Variants in EIF4A2 observed in about 807,000 individuals in gnomAD.
EIF4A2 encodes the protein eukaryotic initiation factor 4A-II.
Under a neutral mutation model 50.6 loss-of-function variants are expected in EIF4A2, and 9 were observed. The observed-to-expected ratio is 0.18, with a 90% CI of 0.11 to 0.31. EIF4A2 has a LOEUF of 0.31. EIF4A2 is among the 10% of genes least tolerant of loss of function. The pLI, the probability that EIF4A2 is intolerant of heterozygous loss-of-function variation, is 1.00. For synonymous variants in EIF4A2, 215 were observed against 164.4 expected, an observed-to-expected ratio of 1.31 and a Z score of -2.35; for missense variants, 182 against 501.8, an observed-to-expected ratio of 0.36 and a Z score of 6.09.
intron 10 of EIF4A2, chr3:186,788,507 T>C (rs774423955): frequency 9.2e-7 from 1 of 1,084,158 alleles, no homozygotes; most frequent in Non-Finnish European, 1.2e-6. Flanking sequence ...GTATTTCTAT[T>C]AGGGAACCTT....
At chr3:186,787,296 A>T (rs778546320) in intron 8 of EIF4A2, 32 bp downstream of exon 8, 1 of 1,614,044 alleles carries the variant, frequency 6.2e-7, no homozygotes. Context: ...CTGGATTTCC[A>T]CTAAAGCAGG....
Position 186,789,318 on chromosome 3 carries a change from C to T in EIF4A2, c.*49C>T, listed in dbSNP as rs564710155. 1.9e-5 allele frequency: 29 copies of T among 1,566,050 alleles called. No individual in the cohort carries two copies. The highest frequency in any genetic ancestry group is 7.4e-5 in the Admixed American group (4 of 53,874). ...GCAGTGCTCGCTGTTGCTGAATAGGCGATCACAACGTGCATTGTGCTTCTT... is the reference window on the plus strand; with the variant it reads ...GCAGTGCTCGCTGTTGCTGAATAGGTGATCACAACGTGCATTGTGCTTCTT... On this transcript the variant is annotated 3_prime_UTR_variant, in exon 11 of 11. Coordinates refer to ENST00000323963, the MANE Select transcript of EIF4A2 (RefSeq NM_001967.4).
intron 1 of EIF4A2, chr3:186,784,023 T>TGG (rs1315400326): frequency 1.2e-5 from 5 of 404,670 alleles, no homozygotes; most frequent in African/African-American, 6.1e-5. Context: ...AGGCTTTACT[T>TGG]GGGGAAGGGT....
intron 8 of EIF4A2, 23 bp downstream of exon 8, chr3:186,787,287 T>G: frequency 6.2e-7 from 1 of 1,614,100 alleles, no homozygotes; most frequent in South Asian, 1.1e-5. Context: ...CTAAAATGTC[T>G]GGATTTCCAC....
chr3:186,784,105 C>T (rs373954697), intron 1 of EIF4A2: 2 of 482,268 alleles, frequency 4.1e-6, no homozygotes, highest in Non-Finnish European at 7.5e-6. Context: ...GAACCGTTGG[C>T]ATCGCCCTCG....
chr3:186,786,692 C>G (rs1171124595), intron 7 of EIF4A2, 47 bp downstream of exon 7: 1 of 1,610,726 alleles, frequency 6.2e-7, no homozygotes, highest in Non-Finnish European at 8.5e-7. Flanking sequence ...TGTATAAGCA[C>G]TGTGCTAAAA....
chr3:186,783,894 C>G, intron 1 of EIF4A2: 1 of 570,580 alleles, frequency 1.8e-6, no homozygotes, highest in Non-Finnish European at 3.1e-6. Context: ...GCTTTCCTTC[C>G]CAGTGTAGAG....
At chr3:186,789,006 G>T in intron 10 of EIF4A2, 119 bp from the exon 11 acceptor site, 1 of 1,410,542 alleles carries the variant, frequency 7.1e-7, no homozygotes, top group Non-Finnish European at 9.4e-7. Flanking sequence ...GCTCCAGTTA[G>T]AAGCACGAAC....
chr3:186,788,415 G>C, intron 10 of EIF4A2: 1 of 1,260,890 alleles, frequency 7.9e-7, no homozygotes, highest in South Asian at 1.3e-5. Flanking sequence ...AATAAAGAGC[G>C]AGTCGGTATT....
Position 186,787,545 on chromosome 3 carries a change from G to A in EIF4A2, c.960G>A (p.Arg320=). The A allele has an allele frequency of 6.2e-7, 1 of 1,613,860 alleles. No individual in the cohort carries two copies. Among genetic ancestry groups the A allele is most frequent in the Non-Finnish European group, 8.5e-7 (1 of 1,179,772 alleles). The change falls in exon 9 of 11, where the codon CGG becomes CGA. Residue 320 remains arginine, a synonymous_variant. Transcript: ENST00000323963. ...KERDVIMREF[R]SGSSRVLITT... is the part of the protein sequence containing the mutation. The stretch of plus-strand genomic sequence containing the variant: ...GAGATGTTATCATGAGGGAATTCCG[G>A]TCAGGGTCAAGTCGTGTTCTGATCA...
Position 186,783,608 on chromosome 3 carries a change from A to T in EIF4A2, c.-3A>T. The T allele has an allele frequency of 1.2e-6, 2 of 1,614,030 alleles. No homozygotes were observed. The highest frequency in any genetic ancestry group is 1.3e-5 in the African/African-American group (1 of 74,996). ...AGTCGGGCGCTGAGTGGTTTTTCGG[A>T]TCATGTCTGGTGGCTCCGCGGATTA... On this transcript the variant is annotated 5_prime_UTR_variant, in exon 1 of 11. Transcript: ENST00000323963.
In EIF4A2 at chr3:186,785,109, T is replaced by C. The variant is rs777494202; in HGVS notation, c.348+8T>C. The C allele has an allele frequency of 3.3e-5, 54 of 1,613,578 alleles. No homozygotes were observed. Among genetic ancestry groups the C allele is most frequent in the Non-Finnish European group, 4.3e-5 (51 of 1,179,814 alleles). On this transcript the variant is annotated splice_region_variant and intron_variant, in intron 4 of 10. Transcript: ENST00000323963. ...AGAGAACTGGCTCAACAGGTATTGATAGTGTAGTTCAAAAAAACTGCTTGC... is the reference window on the plus strand; with the variant it reads ...AGAGAACTGGCTCAACAGGTATTGACAGTGTAGTTCAAAAAAACTGCTTGC...
intron 1 of EIF4A2, 79 bp from the exon 2 acceptor site, chr3:186,784,353 G>A (rs1721565442): frequency 1.2e-6 from 2 of 1,605,184 alleles, no homozygotes; most frequent in African/African-American, 2.7e-5. Context: ...TGCTGAGACG[G>A]GTTGCAAAGG....
chr3:186,787,435 GATTAAA>G lies in EIF4A2; in HGVS notation c.910-53_910-48del, dbSNP rs747012183. ...AGGGACGCTTGGTCTCATACATGTT[GATTAAA>G]ATTAAATACCGACCTGACTGGTGAT... On this transcript the variant is annotated intron_variant, in intron 8 of 10. Coordinates refer to ENST00000323963, the MANE Select transcript of EIF4A2 (RefSeq NM_001967.4). The G allele has an allele frequency of 3.1e-6, 5 of 1,610,470 alleles. No individual in the cohort carries two copies. The African/African-American group carries it at 4.0e-5, about 13-fold the overall frequency.
chr3:186,789,209 T>C lies in EIF4A2; in HGVS notation c.1164T>C (p.Ile388=), dbSNP rs1356075920. The part of the protein sequence containing the change: ...TEEDKRILRD[I]ETFYNTTVEE... ...AAGACAAGAGGATTCTTCGTGACAT[T>C]GAGACTTTCTACAATACTACAGTGG... Residue 388 remains isoleucine, a synonymous_variant, in exon 11 of 11, where the codon ATT becomes ATC. Coordinates refer to ENST00000323963, the MANE Select transcript of EIF4A2 (RefSeq NM_001967.4). 1.2e-6 allele frequency: 2 copies of C among 1,613,392 alleles called. No individual in the cohort carries two copies. Among genetic ancestry groups the C allele is most frequent in the Admixed American group, 1.7e-5 (1 of 59,996 alleles).
rs1238725649 is a variant in EIF4A2 at position 186,789,132 on chromosome 3, A to C, written c.1087A>C (p.Arg363=). 1.2e-6 allele frequency: 2 copies of C among 1,613,400 alleles called. No individual in the cohort carries two copies. Among genetic ancestry groups the C allele is most frequent in the African/African-American group, 2.7e-5 (2 of 74,884 alleles). The change falls in exon 11 of 11, where the codon AGA becomes CGA. Residue 363 remains arginine (R), a synonymous_variant. Coordinates refer to ENST00000323963, the MANE Select transcript of EIF4A2 (RefSeq NM_001967.4). The part of the protein sequence containing the change: ...NRENYIHRIG[R]GGRFGRKGVA... ...ATTCTTTTTCTTACACAGAATTGGC[A>C]GAGGGGGTCGATTTGGGAGGAAAGG...
At chr3:186,787,001 C>CTT in intron 7 of EIF4A2, 126 bp from the exon 8 acceptor site, 2 of 1,387,048 alleles carry the variant, frequency 1.4e-6, no homozygotes, top group South Asian at 2.6e-5. Context: ...ACTCTGGGCT[C>CTT]TAAGTGCTAG....
intron 4 of EIF4A2, 35 bp downstream of exon 4, chr3:186,785,136 T>C: frequency 6.2e-7 from 1 of 1,611,522 alleles, no homozygotes; most frequent in Non-Finnish European, 8.5e-7. Context: ...ACTGCTTGCG[T>C]GTTGCATAGG....
At position 186,787,850 on chromosome 3, in the gene EIF4A2, T is replaced by C. The variant is rs1386775774; in HGVS notation, c.1047T>C (p.Asp349=). The C allele has an allele frequency of 3.7e-6, 6 of 1,613,752 alleles. No individual in the cohort carries two copies. Among genetic ancestry groups the C allele is most frequent in the Non-Finnish European group, 4.2e-6 (5 of 1,179,970 alleles). ...AAGTGTCTTTGGTTATAAATTATGA[T>C]CTACCTACCAATCGTGAAAACTATA... ...VQQVSLVINY[D]LPTNRENYIH... is the part of the protein sequence containing the mutation. Residue 349 remains aspartate, a synonymous_variant, in exon 10 of 11, where the codon GAT becomes GAC. Coordinates refer to ENST00000323963, the MANE Select transcript of EIF4A2 (RefSeq NM_001967.4).
Sources: gnomAD v4.1 joint callset for allele counts on GRCh38, gnomAD v4.1.1 for gene constraint, MANE v1.5 for transcripts, NCBI Gene and HGNC (gene_info 2026-07-23, HGNC 2026-07-21) for gene names.